The following SNRPA1 variants were observed in gnomAD, a reference collection of about 807,000 sequenced individuals.
The protein encoded by SNRPA1 is U2 small nuclear ribonucleoprotein A'.
SNRPA1 carries 5 observed loss-of-function variants against 32.3 expected under a neutral mutation model. The observed-to-expected ratio is 0.15, with a 90% CI of 0.08 to 0.33. The LOEUF (loss-of-function observed/expected upper bound fraction) is 0.33, where lower values mean the gene tolerates loss of function less well. SNRPA1 is among the 10% of genes least tolerant of loss of function. SNRPA1 has a pLI of 1.00. For missense variants in SNRPA1, 198 were observed against 311.1 expected, an observed-to-expected ratio of 0.64 and a Z score of 2.74; for synonymous variants, 111 against 120.1, an observed-to-expected ratio of 0.92 and a Z score of 0.50.
At chr15:101,291,336 TA>T (rs2039523940) in intron 3 of SNRPA1, among the ~76,000 whole-genome samples, 1 of 152,126 alleles carries the variant, frequency 6.6e-6, no homozygotes, top group Admixed American at 6.5e-5. Context: ...ACGTGAAGAG[TA>T]AAACAAGGTT....
At chr15:101,291,255 T>C (rs993862068) in intron 3 of SNRPA1, among the ~76,000 whole-genome samples, 2 of 152,202 alleles carry the variant, frequency 1.3e-5, no homozygotes, top group African/African-American at 4.8e-5. Context: ...ATCTCAATTA[T>C]GTTAAAAATT....
At chr15:101,290,097 A>G (rs2039505164) in intron 3 of SNRPA1, among the ~76,000 whole-genome samples, 1 of 152,152 alleles carries the variant, frequency 6.6e-6, no homozygotes, top group Non-Finnish European at 1.5e-5. Flanking sequence ...AAACAGCATT[A>G]ATAGAGATCG....
intron 5 of SNRPA1, chr15:101,286,649 A>G (rs2039458012): frequency 2.2e-6 from 1 of 457,180 alleles, no homozygotes; most frequent in African/African-American, 2.0e-5. Context: ...CAGACAATCC[A>G]CTGTTAAGAC....
chr15:101,291,882 G>T, intron 3 of SNRPA1, 80 bp downstream of exon 3: 2 of 858,752 alleles, frequency 2.3e-6, no homozygotes, highest in African/African-American at 1.7e-5. Flanking sequence ...TCATTTTCTA[G>T]ATTTTGTAAA....
chr15:101,286,490 T>C (rs919890889), intron 5 of SNRPA1, 197 bp from the exon 6 acceptor site: 5 of 525,764 alleles, frequency 9.5e-6, no homozygotes, highest in Admixed American at 3.7e-5. Context: ...TTCATTCTCC[T>C]AGCTCCAAGG....
chr15:101,292,386 CACA>C (rs1452577533), intron 2 of SNRPA1, among the ~76,000 whole-genome samples: 1 of 152,178 alleles, frequency 6.6e-6, no homozygotes, highest in Non-Finnish European at 1.5e-5. Flanking sequence ...AGGTACAAGA[CACA>C]ACAACTATAC....
At chr15:101,291,246 T>C (rs902453355) in intron 3 of SNRPA1, among the ~76,000 whole-genome samples, 5 of 152,182 alleles carry the variant, frequency 3.3e-5, no homozygotes, top group Non-Finnish European at 7.3e-5. Context: ...ATACACAGTA[T>C]CTCAATTATG....
intron 3 of SNRPA1, 60 bp downstream of exon 3, chr15:101,291,902 G>T: frequency 9.7e-7 from 1 of 1,030,552 alleles, no homozygotes; most frequent in Non-Finnish European, 1.5e-6. Context: ...ATTTTCTGTA[G>T]GAAGCACATA....
intron 3 of SNRPA1, among the ~76,000 whole-genome samples, chr15:101,290,314 G>C (rs966878230): frequency 6.6e-6 from 1 of 152,148 alleles, no homozygotes; most frequent in Non-Finnish European, 1.5e-5. Flanking sequence ...TTTGCAAAGA[G>C]CTTTAAATAC....
At position 101,285,819 on chromosome 15, in the gene SNRPA1, C is replaced by T; in HGVS notation, c.540-18G>A. On this transcript the variant is annotated intron_variant, in intron 6 of 8. Transcript: ENST00000254193. ...GATTAAAACTTAAGAGGGGGAAGAACATAACTGTTAGACCTAGACCAACAG... is the reference window on the plus strand; with the variant it reads ...GATTAAAACTTAAGAGGGGGAAGAATATAACTGTTAGACCTAGACCAACAG... 2 of 1,604,476 alleles carry T rather than the reference C, an allele frequency of 1.2e-6. No individual in the cohort carries two copies. The highest frequency in any genetic ancestry group is 1.7e-6 in the Non-Finnish European group (2 of 1,172,150).
At chr15:101,282,587 C>T (rs2141304517) in intron 8 of SNRPA1, among the ~76,000 whole-genome samples, 1 of 152,308 alleles carries the variant, frequency 6.6e-6, no homozygotes, top group South Asian at 2.1e-4. Flanking sequence ...TATCAATGAA[C>T]TTTTCATACT....
chr15:101,286,384 T>C (rs2039454881), intron 5 of SNRPA1, 91 bp from the exon 6 acceptor site: 5 of 1,133,186 alleles, frequency 4.4e-6, no homozygotes, highest in African/African-American at 1.5e-5. Flanking sequence ...CGAACTCTCC[T>C]ACAGTACTCC....
At chr15:101,294,799 A>G (rs551525798) in intron 1 of SNRPA1, 17 of 359,324 alleles carry the variant, frequency 4.7e-5, no homozygotes, top group East Asian at 2.5e-4. Flanking sequence ...TCAAACAGCC[A>G]GCGGCGAAAC....
At chr15:101,286,391 C>T (rs2039454927) in intron 5 of SNRPA1, 98 bp from the exon 6 acceptor site, 1 of 1,034,654 alleles carries the variant, frequency 9.7e-7, no homozygotes, top group Non-Finnish European at 1.4e-6. Context: ...TCCTACAGTA[C>T]TCCGGGCTGG....
chr15:101,295,189 C>G lies in SNRPA1; in HGVS notation c.-11G>C. The G allele has an allele frequency of 2.0e-6, 3 of 1,534,148 alleles. No homozygotes were observed. In the South Asian group the frequency reaches 3.6e-5, roughly 19 times the overall value. On this transcript the variant is annotated 5_prime_UTR_variant, in exon 1 of 9. Coordinates refer to ENST00000254193, the MANE Select transcript of SNRPA1 (RefSeq NM_003090.4). ...CGTCAGCTTGACCATCCTGCAGCCT[C>G]CCGTTCCCCCGCGCTGTGGAAAGCC...
chr15:101,290,118 C>A (rs2039505499), intron 3 of SNRPA1, among the ~76,000 whole-genome samples: 1 of 151,914 alleles, frequency 6.6e-6, no homozygotes, highest in Non-Finnish European at 1.5e-5. Context: ...AGGGTCACAA[C>A]ATAATAAAAA....
chr15:101,285,849 T>G (rs1456262836), intron 6 of SNRPA1, 48 bp from the exon 7 acceptor site: 1 of 1,447,534 alleles, frequency 6.9e-7, no homozygotes, highest in Non-Finnish European at 9.7e-7. Context: ...CAACAGAAGT[T>G]GCTTCTCTTT....
At chr15:101,292,460 C>T (rs1485799216) in intron 2 of SNRPA1, among the ~76,000 whole-genome samples, 1 of 152,184 alleles carries the variant, frequency 6.6e-6, no homozygotes, top group African/African-American at 2.4e-5. Context: ...CACTCACCAC[C>T]CAGTACCTTT....
chr15:101,291,036 G>A (rs1334318316), intron 3 of SNRPA1, among the ~76,000 whole-genome samples: 2 of 151,760 alleles, frequency 1.3e-5, no homozygotes, highest in Admixed American at 6.6e-5. Context: ...CACTGCACCC[G>A]GCTTTTCTAA....
Sources: gnomAD v4.1 joint callset for allele counts (sites outside exome capture counted in the v4.1 genomes callset) on GRCh38, gnomAD v4.1.1 for gene constraint, MANE v1.5 for transcripts, NCBI Gene and HGNC (gene_info 2026-07-23, HGNC 2026-07-21) for gene names.